The following TRNAU1AP variants were observed in gnomAD, a reference collection of about 807,000 sequenced individuals.
TRNAU1AP encodes tRNA selenocysteine 1-associated protein 1.
A neutral mutation model predicts 43.3 loss-of-function variants in TRNAU1AP; 33 were observed. The observed-to-expected ratio is 0.76, with a 90% confidence interval of 0.58 to 1.02. The LOEUF is 1.02. TRNAU1AP is among the 50% of genes least tolerant of loss of function. The pLI is 0.00. For missense variants in TRNAU1AP, 290 were observed against 362.7 expected, an observed-to-expected ratio of 0.80 and a Z score of 1.63; for synonymous variants, 143 against 129.1, an observed-to-expected ratio of 1.11 and a Z score of -0.73.
chr1:28,553,687 C>G lies in TRNAU1AP; in HGVS notation c.75C>G (p.Thr25=). ...ACTTCATCTCCAGAGCCTTTGCCAC[C>G]ATGGGGGAGACCGTAATGAGCGTCA... is the stretch of plus-strand genomic sequence containing the variant. ...DENFISRAFA[T]MGETVMSVKI... is the part of the protein sequence containing the mutation. Residue 25 remains threonine, a synonymous_variant, in exon 2 of 9, where the codon ACC becomes ACG. Transcript: ENST00000373830. 6.2e-7 allele frequency: 1 copy of G among 1,614,178 alleles called. No individual in the cohort carries two copies.
Position 28,578,504 on chromosome 1 carries a change from G to A in TRNAU1AP, c.*868G>A, listed in dbSNP as rs1217449499. ...ATTGCTTGAGCTCGGGAAGAGACCA[G>A]TTCGGTCTCTACAAAAAAATACAAA... On this transcript the variant is annotated 3_prime_UTR_variant, in exon 9 of 9. Coordinates refer to ENST00000373830, the MANE Select transcript of TRNAU1AP (RefSeq NM_017846.5). 1 of 311,224 alleles carries A rather than the reference G, an allele frequency of 3.2e-6. No homozygotes were observed. The highest frequency in any genetic ancestry group is 6.5e-6 in the Non-Finnish European group (1 of 153,132). 19.3% of individuals were successfully genotyped at this position (311,224 alleles called of 1,614,324 possible).
At chr1:28,557,290 G>A (rs1665286250) in intron 2 of TRNAU1AP, among the ~76,000 whole-genome samples, 1 of 151,360 alleles carries the variant, frequency 6.6e-6, no homozygotes, top group Non-Finnish European at 1.5e-5. Context: ...CATGGTGGCG[G>A]GCGCCTGTAG....
rs1184620885 is a variant in TRNAU1AP, at chr1:28,578,225, C to T, written c.*589C>T. The T allele has an allele frequency of 1.9e-5, 3 of 158,558 alleles. No homozygotes were observed. The highest frequency in any genetic ancestry group is 2.8e-5 in the Non-Finnish European group (2 of 71,884). 9.8% of individuals were successfully genotyped at this position (158,558 alleles called of 1,614,324 possible). A position where few individuals can be genotyped will look rare whatever the true frequency, so the allele number is the denominator to read the frequency against. On this transcript the variant is annotated 3_prime_UTR_variant, in exon 9 of 9. Coordinates refer to ENST00000373830, the MANE Select transcript of TRNAU1AP (RefSeq NM_017846.5). ...GCATCTGCATATACAAGGCCTGGATCACTTTAGGATCAATATTTTGACACG... is the reference window on the plus strand; with the variant it reads ...GCATCTGCATATACAAGGCCTGGATTACTTTAGGATCAATATTTTGACACG...
At chr1:28,557,553 T>C (rs1665295887) in intron 2 of TRNAU1AP, among the ~76,000 whole-genome samples, 1 of 151,364 alleles carries the variant, frequency 6.6e-6, no homozygotes, top group African/African-American at 2.4e-5. Flanking sequence ...TCCTTGGGTC[T>C]TATCTTTTCT....
In TRNAU1AP at chr1:28,571,905, G is replaced by C; in HGVS notation, c.727+5G>C. 1 of 1,612,680 alleles carries C rather than the reference G, an allele frequency of 6.2e-7. No homozygotes were observed. The highest frequency in any genetic ancestry group is 8.5e-7 in the Non-Finnish European group (1 of 1,178,794). On this transcript the variant is annotated splice_donor_5th_base_variant and intron_variant, in intron 8 of 8. Transcript: ENST00000373830. ...TTGGAGATGATGCATTGGAAGGTAA[G>C]GGTTCATACGTTCCTTACTCTGTCA...
intron 1 of TRNAU1AP, 194 bp downstream of exon 1, chr1:28,553,331 G>T (rs959984526): frequency 5.5e-6 from 4 of 729,382 alleles, no homozygotes; most frequent in Non-Finnish European, 9.0e-6. Context: ...GGGGTCCTGG[G>T]GCCCCACCTG....
chr1:28,555,620 C>T (rs922655241), intron 2 of TRNAU1AP, among the ~76,000 whole-genome samples: 1 of 151,342 alleles, frequency 6.6e-6, no homozygotes, highest in African/African-American at 2.4e-5. Context: ...AGCAGCCACT[C>T]TTTTCTCGGT....
At position 28,553,109 on chromosome 1, in the gene TRNAU1AP, G is replaced by C. The variant is rs1169861776; in HGVS notation, c.-2G>C. ...CGCAAAGCCCCACCCCGGTGCGCGG[G>C]TATGGCGGCCAGCCTGTGGATGGGC... On this transcript the variant is annotated 5_prime_UTR_variant, in exon 1 of 9. Coordinates refer to ENST00000373830, the MANE Select transcript of TRNAU1AP (RefSeq NM_017846.5). 1 of 1,522,162 alleles carries C rather than the reference G, an allele frequency of 6.6e-7. No homozygotes were observed. The highest frequency in any genetic ancestry group is 8.8e-7 in the Non-Finnish European group (1 of 1,132,948). 94.3% of individuals were successfully genotyped at this position (1,522,162 alleles called of 1,614,324 possible).
intron 6 of TRNAU1AP, among the ~76,000 whole-genome samples, chr1:28,568,217 A>G (rs1665582844): frequency 2.0e-5 from 3 of 152,146 alleles, no homozygotes; most frequent in Admixed American, 6.6e-5. Context: ...ATACTTCACT[A>G]TCACACCTGT....
intron 2 of TRNAU1AP, 53 bp downstream of exon 2, chr1:28,553,790 C>G: frequency 6.7e-7 from 1 of 1,495,088 alleles, no homozygotes; most frequent in Non-Finnish European, 9.3e-7. Context: ...CTGTCATGTA[C>G]GAGAATGTAA....
chr1:28,574,308 G>A (rs1255051016), intron 8 of TRNAU1AP, among the ~76,000 whole-genome samples: 2 of 151,826 alleles, frequency 1.3e-5, no homozygotes, highest in Admixed American at 6.6e-5. Flanking sequence ...GGCTGGTTTC[G>A]AACTCCTTAC....
At chr1:28,557,201 C>G (rs569750969) in intron 2 of TRNAU1AP, among the ~76,000 whole-genome samples, 1 of 151,362 alleles carries the variant, frequency 6.6e-6, no homozygotes, top group Admixed American at 6.6e-5. Context: ...AGGCGGATCA[C>G]GAGGTCAGGA....
chr1:28,568,769 A>G (rs1398739209), intron 6 of TRNAU1AP, among the ~76,000 whole-genome samples: 1 of 151,870 alleles, frequency 6.6e-6, no homozygotes, highest in Non-Finnish European at 1.5e-5. Flanking sequence ...CTCCACGTCA[A>G]TAGATCCAGG....
rs1201837804 is a variant in TRNAU1AP at position 28,571,224 on chromosome 1, C to A, written c.579C>A (p.Tyr193Ter). 6.2e-7 allele frequency: 1 copy of A among 1,614,098 alleles called. No individual in the cohort carries two copies. ...VEYSQMYSYS[Y>*]NQYYQQYQNY... ...ATAGTCAGATGTACAGTTATAGCTACAACCAGTATTATCAGCAGTACCAGA... is the reference window on the plus strand; with the variant it reads ...ATAGTCAGATGTACAGTTATAGCTAAAACCAGTATTATCAGCAGTACCAGA... The change falls in exon 7 of 9, where the codon TAC becomes TAA. Residue 193 changes from tyrosine to a stop codon, truncating the protein, a stop_gained. Transcript: ENST00000373830. LOFTEE classifies it high-confidence loss of function.
At chr1:28,575,937 T>C (rs1038913662) in intron 8 of TRNAU1AP, among the ~76,000 whole-genome samples, 37 of 147,262 alleles carry the variant, frequency 2.5e-4, no homozygotes, top group Non-Finnish European at 4.5e-4. Flanking sequence ...CTCTGTTCAC[T>C]GCAACCTCTG....
chr1:28,561,223 A>G, intron 3 of TRNAU1AP, 123 bp from the exon 4 acceptor site: 2 of 1,499,360 alleles, frequency 1.3e-6, no homozygotes, highest in Non-Finnish European at 8.9e-7. Context: ...ACAGGAGAAA[A>G]AGCTGAGGCT....
chr1:28,564,540 TG>T (rs1665493855), intron 4 of TRNAU1AP, among the ~76,000 whole-genome samples, 162 bp from the exon 5 acceptor site: 1 of 152,216 alleles, frequency 6.6e-6, no homozygotes, highest in South Asian at 2.1e-4. Flanking sequence ...CTAACTCTTC[TG>T]CCAGGACTGC....
rs766036762 is a variant in TRNAU1AP at position 28,553,700 on chromosome 1, G to C, written c.88G>C (p.Val30Leu). 1.2e-6 allele frequency: 2 copies of C among 1,614,158 alleles called. No homozygotes were observed. Among genetic ancestry groups the C allele is most frequent in the South Asian group, 2.2e-5 (2 of 91,084 alleles). ...SRAFATMGET[V>L]MSVKIIRNRL... ...AGCCTTTGCCACCATGGGGGAGACC[G>C]TAATGAGCGTCAAAATTATCCGAAA... The change falls in exon 2 of 9, where the codon GTA (valine) becomes CTA (leucine). Residue 30 changes from valine to leucine, a missense_variant. Around this residue, in one of 3 missense-constraint regions of TRNAU1AP, gnomAD observed 59 missense variants for 45.5 expected, o/e 1.30. Coordinates refer to ENST00000373830, the MANE Select transcript of TRNAU1AP (RefSeq NM_017846.5).
chr1:28,554,953 T>TGAGAAGGGTG (rs1447720449), intron 2 of TRNAU1AP, among the ~76,000 whole-genome samples: 3 of 151,854 alleles, frequency 2.0e-5, no homozygotes, highest in Non-Finnish European at 4.4e-5. Flanking sequence ...TAAAAAATTG[T>TGAGAAGGGTG]GGAGGATGGG....
Sources: gnomAD v4.1 joint callset for allele counts (sites outside exome capture counted in the v4.1 genomes callset) on GRCh38, gnomAD v4.1.1 for gene constraint, gnomAD v4.1.1 regional missense constraint, MANE v1.5 for transcripts, NCBI Gene and HGNC (gene_info 2026-07-23, HGNC 2026-07-21) for gene names.